CWC27: variants seen among roughly 807,000 people sequenced by gnomAD.
CWC27 encodes the protein spliceosome-associated protein CWC27 homolog.
CWC27 carries 47 observed loss-of-function variants against 63.6 expected under a neutral mutation model. That is an observed-to-expected ratio of 0.74 (90% CI 0.58 to 0.94). CWC27 has a LOEUF of 0.94. CWC27 is among the 40% of genes least tolerant of loss of function. The pLI is 0.00. For synonymous variants in CWC27, 175 were observed against 179.8 expected (o/e 0.97, Z 0.22); for missense variants, 495 against 554.3 (o/e 0.89, Z 1.07).
At chr5:64,837,728 T>C (rs1428088360) in intron 10 of CWC27, among the ~76,000 whole-genome samples, 1 of 152,042 alleles carries the variant, frequency 6.6e-6, no homozygotes, top group Admixed American at 6.6e-5. Flanking sequence ...TCTCTCTTAT[T>C]TAGAGGTTTA....
rs1446371867 is a variant in CWC27 at position 64,971,708 on chromosome 5, G to T, written c.1048G>T (p.Glu350Ter). 2 of 1,595,642 alleles carry T rather than the reference G, an allele frequency of 1.3e-6. No individual in the cohort carries two copies. Among genetic ancestry groups the T allele is most frequent in the Admixed American group, 1.8e-5 (1 of 56,882 alleles). Residue 350 changes from glutamate to a stop codon, truncating the protein, a stop_gained, in exon 12 of 14, where the codon GAA (glutamate) becomes TAA (stop). Transcript: ENST00000381070. LOFTEE classifies it high-confidence loss of function. ...AATATTCTACTATTCTTTAGAGGAA[G>T]AAGCCCCTCCAGATGGTGCTGTTGC... ...KQAEKRSEEE[E>*]APPDGAVAEY...
intron 10 of CWC27, among the ~76,000 whole-genome samples, chr5:64,861,024 C>T (rs1409083376): frequency 6.6e-6 from 1 of 152,104 alleles, no homozygotes; most frequent in African/African-American, 2.4e-5. Flanking sequence ...TTAGTTGGGG[C>T]TCCTCAAATG....
At chr5:64,894,472 A>C (rs1483195209) in intron 11 of CWC27, among the ~76,000 whole-genome samples, 1 of 152,140 alleles carries the variant, frequency 6.6e-6, no homozygotes, top group African/African-American at 2.4e-5. Context: ...CCCCCTAGGC[A>C]AACTTAGAGT....
At chr5:64,920,155 G>T (rs1747970124) in intron 11 of CWC27, among the ~76,000 whole-genome samples, 1 of 151,974 alleles carries the variant, frequency 6.6e-6, no homozygotes. Flanking sequence ...TTTTTGTAGA[G>T]ACAGGGTTTC....
At chr5:64,813,251 T>C (rs768139023) in intron 10 of CWC27, among the ~76,000 whole-genome samples, 1 of 152,178 alleles carries the variant, frequency 6.6e-6, no homozygotes, top group Non-Finnish European at 1.5e-5. Flanking sequence ...TGTTTGGACA[T>C]TAATAGCAAT....
intron 11 of CWC27, among the ~76,000 whole-genome samples, chr5:64,940,039 G>A (rs1167761453): frequency 1.3e-5 from 2 of 152,200 alleles, no homozygotes; most frequent in Non-Finnish European, 2.9e-5. Context: ...CCGGTAAATC[G>A]TAGCTTGCTG....
At chr5:64,925,528 T>G (rs1366210067) in intron 11 of CWC27, among the ~76,000 whole-genome samples, 1 of 152,184 alleles carries the variant, frequency 6.6e-6, no homozygotes, top group Non-Finnish European at 1.5e-5. Context: ...TGTGCCTATT[T>G]CTGAATCAAT....
chr5:64,865,979 T>G (rs983744907), intron 10 of CWC27, among the ~76,000 whole-genome samples: 1 of 152,088 alleles, frequency 6.6e-6, no homozygotes, highest in African/African-American at 2.4e-5. Context: ...TGTTTAGAAC[T>G]CAGAATAAGT....
At chr5:64,937,404 G>A (rs1219950830) in intron 11 of CWC27, among the ~76,000 whole-genome samples, 3 of 152,144 alleles carry the variant, frequency 2.0e-5, no homozygotes, top group African/African-American at 7.2e-5. Context: ...TAGTTGTGTG[G>A]TTTTGAGTGA....
At chr5:64,798,747 A>G (rs1008947473) in intron 7 of CWC27, among the ~76,000 whole-genome samples, 1 of 152,160 alleles carries the variant, frequency 6.6e-6, no homozygotes, top group Non-Finnish European at 1.5e-5. Context: ...AAGTGTTTTC[A>G]TCTCTCTGTG....
chr5:64,929,717 C>T (rs1306673184), intron 11 of CWC27, among the ~76,000 whole-genome samples: 3 of 151,652 alleles, frequency 2.0e-5, no homozygotes, highest in Admixed American at 6.6e-5. Flanking sequence ...GAGGAACCAA[C>T]AAGTATGGGC....
intron 13 of CWC27, among the ~76,000 whole-genome samples, chr5:65,008,500 T>C (rs972881219): frequency 6.6e-6 from 1 of 152,192 alleles, no homozygotes; most frequent in Non-Finnish European, 1.5e-5. Context: ...ATTAGAACTT[T>C]ATCCGACCCA....
In CWC27 at chr5:64,942,148, G is replaced by A. The variant is rs145593127; in HGVS notation, c.1043-29555G>A. 3.1e-3 allele frequency among the ~76,000 whole-genome samples: 475 copies of A among 151,960 alleles called. 4 individuals carry two copies. The highest frequency in any genetic ancestry group is 0.013 in the East Asian group (67 of 5,176). ...ATACTAATAAAGAAAAATATTGCCT[G>A]GGTGCAATGGTTCATGCCTATAATC... On this transcript the variant is annotated intron_variant, in intron 11 of 13. Coordinates refer to ENST00000381070, the MANE Select transcript of CWC27 (RefSeq NM_005869.4).
chr5:64,963,586 G>C (rs1178353911), intron 11 of CWC27, among the ~76,000 whole-genome samples: 1 of 152,168 alleles, frequency 6.6e-6, no homozygotes, highest in Non-Finnish European at 1.5e-5. Context: ...TTAGGAAATA[G>C]AAGACCAGTT....
chr5:64,859,770 T>A (rs1746354268), intron 10 of CWC27, among the ~76,000 whole-genome samples: 1 of 152,196 alleles, frequency 6.6e-6, no homozygotes, highest in Non-Finnish European at 1.5e-5. Flanking sequence ...CTCCTATTCT[T>A]TCCTATTAGG....
At chr5:64,782,885 A>G (rs530628927) in intron 3 of CWC27, among the ~76,000 whole-genome samples, 1 of 152,286 alleles carries the variant, frequency 6.6e-6, no homozygotes, top group South Asian at 2.1e-4. Flanking sequence ...TTTATATTTT[A>G]CCATGGTAAG....
chr5:64,982,743 G>A (rs1235656061), intron 13 of CWC27, among the ~76,000 whole-genome samples: 2 of 152,146 alleles, frequency 1.3e-5, no homozygotes, highest in East Asian at 3.8e-4. Flanking sequence ...TCACCCTTTA[G>A]TATTAGGCAG....
chr5:64,944,974 A>T (rs1039094419), intron 11 of CWC27, among the ~76,000 whole-genome samples: 5 of 151,788 alleles, frequency 3.3e-5, no homozygotes, highest in African/African-American at 1.2e-4. Context: ...CTCTGATCTC[A>T]TCTCCTTATA....
At chr5:64,939,204 T>C (rs1322515191) in intron 11 of CWC27, among the ~76,000 whole-genome samples, 2 of 152,206 alleles carry the variant, frequency 1.3e-5, no homozygotes, top group African/African-American at 4.8e-5. Flanking sequence ...TTTTTGGAAT[T>C]TTCAACCTTT....
Sources: allele counts gnomAD v4.1 joint callset (sites outside exome capture counted in the v4.1 genomes callset), GRCh38; gene constraint gnomAD v4.1.1; transcripts MANE v1.5; gene names NCBI Gene and HGNC (gene_info 2026-07-23, HGNC 2026-07-21).